Variants in CFAP210 observed in about 807,000 individuals in gnomAD.
CFAP210 encodes cilia and flagella associated protein 210.
At chr2:169,649,061 TCATAAC>T in the CFAP210 span, 1 of 768,668 alleles carries the variant, frequency 1.3e-6, no homozygotes, top group Non-Finnish European at 2.0e-6. Context: ...TTTTATTGTG[TCATAAC>T]CATAATGACC....
At chr2:169,685,888 G>A in the CFAP210 span, among the ~76,000 whole-genome samples, 1 of 152,198 alleles carries the variant, frequency 6.6e-6, no homozygotes, top group East Asian at 1.9e-4. Flanking sequence ...TTTCCCCATT[G>A]CATTAACATT....
the CFAP210 span, chr2:169,648,162 CAAAAAAAAAAAA>C: frequency 5.3e-4 from 54 of 101,730 alleles, no homozygotes; most frequent in East Asian, 1.4e-3. Context: ...AACTCTGTCT[CAAAAAAAAAAAA>C]AAAAAAAAAA....
At chr2:169,670,705 T>C in the CFAP210 span, among the ~76,000 whole-genome samples, 1 of 152,210 alleles carries the variant, frequency 6.6e-6, no homozygotes, top group South Asian at 2.1e-4. Context: ...ATTGATCTGC[T>C]TGAGTATCCT....
At chr2:169,694,255 G>C in the CFAP210 span, 1 of 1,613,936 alleles carries the variant, frequency 6.2e-7, no homozygotes, top group East Asian at 2.2e-5. Flanking sequence ...GGTCAGTTTA[G>C]CTCACCTGTA....
At chr2:169,694,359 C>T in the CFAP210 span, 4 of 1,605,848 alleles carry the variant, frequency 2.5e-6, no homozygotes, top group Admixed American at 3.3e-5. Flanking sequence ...GTGACTGTGG[C>T]GCCAAGCGCC....
chr2:169,648,585 G>GA, the CFAP210 span, among the ~76,000 whole-genome samples: 1 of 152,024 alleles, frequency 6.6e-6, no homozygotes, highest in African/African-American at 2.4e-5. Context: ...GCAAGGATGT[G>GA]AAAAAAATGT....
At chr2:169,649,103 C>A in the CFAP210 span, 1 of 1,270,500 alleles carries the variant, frequency 7.9e-7, no homozygotes, top group Non-Finnish European at 1.1e-6. Context: ...GATGAAACTG[C>A]TTGGGAGTAG....
At chr2:169,672,974 T>C in the CFAP210 span, among the ~76,000 whole-genome samples, 1 of 152,134 alleles carries the variant, frequency 6.6e-6, no homozygotes, top group Non-Finnish European at 1.5e-5. Flanking sequence ...CCCACATAAC[T>C]GAATTTTCAA....
At chr2:169,679,478 A>G in the CFAP210 span, among the ~76,000 whole-genome samples, 1 of 151,986 alleles carries the variant, frequency 6.6e-6, no homozygotes, top group African/African-American at 2.4e-5. Flanking sequence ...GGATATCAAG[A>G]CCATCCTGGC....
the CFAP210 span, among the ~76,000 whole-genome samples, chr2:169,679,284 T>C: frequency 6.6e-6 from 1 of 152,198 alleles, no homozygotes; most frequent in Non-Finnish European, 1.5e-5. Context: ...CACAGGTAAA[T>C]TGCAAGTCAC....
the CFAP210 span, chr2:169,646,237 C>G: frequency 1.6e-6 from 2 of 1,263,760 alleles, no homozygotes; most frequent in Non-Finnish European, 2.2e-6. Flanking sequence ...CATGAACTTT[C>G]TAAATATACA....
the CFAP210 span, among the ~76,000 whole-genome samples, chr2:169,674,052 T>C: frequency 4.6e-5 from 7 of 152,302 alleles, no homozygotes; most frequent in African/African-American, 1.7e-4. Flanking sequence ...GTTGGCCATG[T>C]GGTTGCTTTA....
the CFAP210 span, among the ~76,000 whole-genome samples, chr2:169,660,338 T>TGA: frequency 6.6e-6 from 1 of 150,884 alleles, no homozygotes; most frequent in African/African-American, 2.4e-5. Flanking sequence ...TGCAGTGAGC[T>TGA]GAGATCACAC....
the CFAP210 span, among the ~76,000 whole-genome samples, chr2:169,660,595 T>C: frequency 2.8e-5 from 3 of 105,624 alleles, no homozygotes; most frequent in Non-Finnish European, 6.1e-5. Context: ...ATTTTATATA[T>C]ATATATATAT....
At chr2:169,681,452 T>C in the CFAP210 span, 3 of 534,004 alleles carry the variant, frequency 5.6e-6, no homozygotes, top group African/African-American at 3.8e-5. Context: ...ACTTCCTTAC[T>C]GTGTAAACTT....
the CFAP210 span, among the ~76,000 whole-genome samples, chr2:169,690,393 CCA>C: frequency 6.6e-6 from 1 of 151,938 alleles, no homozygotes; most frequent in Non-Finnish European, 1.5e-5. Context: ...CATCTGGTAC[CCA>C]GTTTTTCTTT....
At chr2:169,658,275 G>A in the CFAP210 span, 5 of 152,466 alleles carry the variant, frequency 3.3e-5, no homozygotes, top group Middle Eastern at 0.014. Context: ...GCTACCATTT[G>A]TACAACATAT....
At chr2:169,678,290 G>A in the CFAP210 span, among the ~76,000 whole-genome samples, 3 of 139,952 alleles carry the variant, frequency 2.1e-5, no homozygotes, top group Non-Finnish European at 4.5e-5. Context: ...GCAGTGAGCC[G>A]AGACCTTACC....
At chr2:169,678,681 C>T in the CFAP210 span, among the ~76,000 whole-genome samples, 7 of 151,820 alleles carry the variant, frequency 4.6e-5, no homozygotes, top group African/African-American at 9.7e-5. Context: ...AAAAATTAGC[C>T]GGGCATGATG....
Sources: allele counts gnomAD v4.1 joint callset (sites outside exome capture counted in the v4.1 genomes callset), GRCh38; gene constraint gnomAD v4.1.1; transcripts MANE v1.5; gene names NCBI Gene and HGNC (gene_info 2026-07-23, HGNC 2026-07-21).